CCNDBP1: variants seen among roughly 807,000 people sequenced by gnomAD.
CCNDBP1 encodes cyclin-D1-binding protein 1.
A neutral mutation model predicts 46.2 loss-of-function variants in CCNDBP1; 45 were observed. That is an observed-to-expected ratio of 0.97 (90% CI 0.77 to 1.25). CCNDBP1 has a LOEUF of 1.25. Ranked by LOEUF, CCNDBP1 falls within the 50% of genes most tolerant of loss-of-function variation. The probability of loss-of-function intolerance (pLI) is 0.00; values close to 1 mark genes in which losing one functional copy is unlikely to be tolerated. For missense variants in CCNDBP1, 436 were observed against 442.1 expected, an observed-to-expected ratio of 0.99 and a Z score of 0.12; for synonymous variants, 154 against 163.6, an observed-to-expected ratio of 0.94 and a Z score of 0.45.
chr15:43,185,942 C>A, intron 2 of CCNDBP1, 63 bp downstream of exon 2: 1 of 1,504,318 alleles, frequency 6.6e-7, no homozygotes, highest in East Asian at 2.3e-5. Flanking sequence ...ACCCCTTTTC[C>A]TCCCGCTGTC....
chr15:43,189,101 A>AAAAAAAAAAAAAAAAAAAAAAAAAAG (rs756151109), intron 3 of CCNDBP1, 98 bp from the exon 4 acceptor site: 1 of 159,494 alleles, frequency 6.3e-6, no homozygotes, highest in Non-Finnish European at 1.2e-5. Context: ...AAAAAAAAAA[A>AAAAAAAAAAAAAAAAAAAAAAAAAAG]AAAGAAAAAG....
At chr15:43,192,715 A>G (rs201167341) in intron 8 of CCNDBP1, 28 bp from the exon 9 acceptor site, 3 of 1,610,266 alleles carry the variant, frequency 1.9e-6, no homozygotes, top group East Asian at 2.2e-5. Flanking sequence ...TTTTTTTGTT[A>G]ATGATTACTT....
chr15:43,191,793 AG>A, intron 8 of CCNDBP1, 118 bp downstream of exon 8: 1 of 1,157,776 alleles, frequency 8.6e-7, no homozygotes, highest in Non-Finnish European at 1.2e-6. Flanking sequence ...CCTATAGGAA[AG>A]TTTAAAAAGT....
intron 7 of CCNDBP1, 34 bp downstream of exon 7, chr15:43,191,076 T>C: frequency 6.8e-7 from 1 of 1,469,382 alleles, no homozygotes; most frequent in Non-Finnish European, 9.5e-7. Flanking sequence ...AGGCAACTCC[T>C]TGACTAGTAG....
rs1365367246 is a variant in CCNDBP1, at chr15:43,191,555, T to C, written c.740T>C (p.Leu247Pro). The C allele has an allele frequency of 2.9e-5, 47 of 1,613,968 alleles. No individual in the cohort carries two copies. Among genetic ancestry groups the C allele is most frequent in the Non-Finnish European group, 3.9e-5 (46 of 1,180,014 alleles). The change falls in exon 8 of 11, where the codon CTG (leucine) becomes CCG (proline). Residue 247 changes from leucine to proline, a missense_variant. Leu to Pro is a moderately conservative substitution (Grantham distance 98). Transcript: ENST00000300213. ...GAGCTCATAATCCCATGCCTTGCGC[T>C]GGTGAGAGCATCCAAAGCCTGCCTG... The part of the protein sequence containing the change: ...DQELIIPCLA[L>P]VRASKACLKK...
chr15:43,188,283 C>T (rs1182574816), intron 3 of CCNDBP1, among the ~76,000 whole-genome samples: 4 of 151,850 alleles, frequency 2.6e-5, no homozygotes, highest in East Asian at 1.9e-4. Flanking sequence ...GGAGCATTGT[C>T]GAGTCCATGC....
chr15:43,186,097 C>G (rs2041824575), intron 2 of CCNDBP1, 57 bp from the exon 3 acceptor site: 1 of 1,509,398 alleles, frequency 6.6e-7, no homozygotes, highest in Non-Finnish European at 9.2e-7. Flanking sequence ...GGGAAGTCTT[C>G]CAAGTCCGTG....
chr15:43,193,598 C>T (rs2041995281), intron 9 of CCNDBP1, among the ~76,000 whole-genome samples: 1 of 152,112 alleles, frequency 6.6e-6, no homozygotes, highest in South Asian at 2.1e-4. Flanking sequence ...GGAGAGTCAA[C>T]TTTCTTATAA....
chr15:43,186,413 C>A (rs2041840710), intron 3 of CCNDBP1, among the ~76,000 whole-genome samples, 180 bp downstream of exon 3: 1 of 152,182 alleles, frequency 6.6e-6, no homozygotes, highest in African/African-American at 2.4e-5. Flanking sequence ...CAGTTCCTGG[C>A]GCGGAGTAGG....
chr15:43,186,359 G>A (rs2041838146), intron 3 of CCNDBP1, 126 bp downstream of exon 3: 2 of 748,298 alleles, frequency 2.7e-6, no homozygotes, highest in Non-Finnish European at 2.2e-6. Flanking sequence ...TGAGGTTACC[G>A]TTTTTACTTC....
intron 3 of CCNDBP1, chr15:43,188,403 C>T (rs1291459159): frequency 6.6e-6 from 1 of 152,230 alleles, no homozygotes; most frequent in Non-Finnish European, 1.5e-5. Context: ...CTCCCTCCCT[C>T]TCTTTTCTGT....
rs748207621 is a variant in CCNDBP1 at position 43,194,046 on chromosome 15, C to CTTTTTTT, written c.922-345_922-339dup. ...TGGTGTTCTTAAAATTCTTAATGCGCTTTTTTTTTTTTTTTTTTTTTTTTT... is the reference window on the plus strand; with the variant it reads ...TGGTGTTCTTAAAATTCTTAATGCGCTTTTTTTTTTTTTTTTTTTTTTTTTTTTTTTT... On this transcript the variant is annotated intron_variant, in intron 9 of 10. Coordinates refer to ENST00000300213, the MANE Select transcript of CCNDBP1 (RefSeq NM_012142.5). 20 of 50,292 alleles carry CTTTTTTT rather than the reference C, an allele frequency of 4.0e-4. 1 individual carries two copies. Among genetic ancestry groups the CTTTTTTT allele is most frequent in the East Asian group, 1.7e-3 (2 of 1,170 alleles). 3.1% of individuals were successfully genotyped at this position (50,292 alleles called of 1,614,324 possible). A position where few individuals can be genotyped will look rare whatever the true frequency, so the allele number is the denominator to read the frequency against.
At chr15:43,190,486 ATT>A in intron 6 of CCNDBP1, 88 bp downstream of exon 6, 1 of 934,412 alleles carries the variant, frequency 1.1e-6, no homozygotes, top group Non-Finnish European at 1.7e-6. Context: ...ATGTATTTGA[ATT>A]TATATAAACA....
In CCNDBP1 at chr15:43,194,830, C is replaced by T; in HGVS notation, c.1072C>T (p.Leu358Phe). 6.2e-7 allele frequency: 1 copy of T among 1,605,550 alleles called. No homozygotes were observed. Among genetic ancestry groups the T allele is most frequent in the Admixed American group, 1.7e-5 (1 of 59,970 alleles). Residue 358 changes from leucine to phenylalanine, a missense_variant, in exon 11 of 11, where the codon CTT (leucine) becomes TTT (phenylalanine). Physicochemically the swap from Leu to Phe is conservative, Grantham distance 22. Transcript: ENST00000300213. ...AATCAAGGAGCTCACTCAGAGTGAA[C>T]TTGAATTATGACTTTTCAGGCTCAT... ...NRIKELTQSE[L>F]EL
At chr15:43,187,133 A>G (rs1236496441) in intron 3 of CCNDBP1, among the ~76,000 whole-genome samples, 1 of 152,240 alleles carries the variant, frequency 6.6e-6, no homozygotes. Flanking sequence ...AAAATGGCAT[A>G]TTCATTGCCT....
intron 3 of CCNDBP1, among the ~76,000 whole-genome samples, chr15:43,187,165 T>C (rs2947019): frequency 0.88 from 133,272 of 152,208 alleles, 58,516 homozygotes; most frequent in Middle Eastern, 0.94. Context: ...CATAGTCAAT[T>C]GTTTTAATTT....
chr15:43,189,584 T>C (rs1567262882), intron 4 of CCNDBP1: 3 of 361,990 alleles, frequency 8.3e-6, no homozygotes, highest in Non-Finnish European at 1.5e-5. Context: ...CAGCCCCATA[T>C]GCAGGCTCAG....
chr15:43,185,901 C>T (rs749665899), intron 2 of CCNDBP1, 22 bp downstream of exon 2: 2 of 1,602,882 alleles, frequency 1.2e-6, no homozygotes, highest in Non-Finnish European at 1.7e-6. Flanking sequence ...TCCTTCCGGG[C>T]TCCCCTTGCC....
At chr15:43,187,468 C>T (rs914592283) in intron 3 of CCNDBP1, among the ~76,000 whole-genome samples, 1 of 152,058 alleles carries the variant, frequency 6.6e-6, no homozygotes, top group African/African-American at 2.4e-5. Flanking sequence ...CGGGGTTTCA[C>T]CATGTTGGGC....
Sources: allele counts gnomAD v4.1 joint callset (sites outside exome capture counted in the v4.1 genomes callset), GRCh38; gene constraint gnomAD v4.1.1; transcripts MANE v1.5; gene names NCBI Gene and HGNC (gene_info 2026-07-23, HGNC 2026-07-21).